Variants in CENPU observed in about 807,000 individuals in gnomAD.
The protein encoded by CENPU is centromere protein U.
A neutral mutation model predicts 56.7 loss-of-function variants in CENPU; 46 were observed. That is an observed-to-expected ratio of 0.81 (90% CI 0.64 to 1.04). The LOEUF (loss-of-function observed/expected upper bound fraction) is 1.04, where lower values mean the gene tolerates loss of function less well. CENPU is among the 50% of genes least tolerant of loss of function. CENPU has a pLI of 0.00. For synonymous variants in CENPU, 166 were observed against 163.0 expected, an observed-to-expected ratio of 1.02 and a Z score of -0.14; for missense variants, 510 against 490.1, an observed-to-expected ratio of 1.04 and a Z score of -0.38.
chr4:184,711,736 T>C (rs28608669), intron 7 of CENPU, among the ~76,000 whole-genome samples: 26,023 of 152,132 alleles, frequency 0.17, 2,446 homozygotes, highest in African/African-American at 0.24. Flanking sequence ...TCTTGTAAAA[T>C]TTAACATATG....
intron 1 of CENPU, among the ~76,000 whole-genome samples, chr4:184,731,253 T>C (rs1761635473): frequency 6.6e-6 from 1 of 152,006 alleles, no homozygotes. Context: ...AAAGGGGAGG[T>C]AGGCTAACGC....
intron 2 of CENPU, among the ~76,000 whole-genome samples, 162 bp from the exon 3 acceptor site, chr4:184,729,197 A>C (rs1761554262): frequency 6.6e-6 from 1 of 152,242 alleles, no homozygotes; most frequent in Non-Finnish European, 1.5e-5. Flanking sequence ...ATTATACAAC[A>C]TAGACATGTA....
intron 4 of CENPU, among the ~76,000 whole-genome samples, chr4:184,718,573 A>G (rs1212548804): frequency 6.6e-6 from 1 of 152,232 alleles, no homozygotes; most frequent in Non-Finnish European, 1.5e-5. Flanking sequence ...GAGAGCTGGC[A>G]TAAGGGACAA....
rs1274757758 is a variant in CENPU at position 184,717,160 on chromosome 4, T to C, written c.357A>G (p.Glu119=). The change falls in exon 5 of 13, where the codon GAA becomes GAG. Residue 119 remains glutamate, a synonymous_variant. Transcript: ENST00000281453. ...CCTTTTTTGCACTAATTTTTACAGATTCGATTTCACTTGCTTCATTTCCAG... is the reference window on the plus strand; with the variant it reads ...CCTTTTTTGCACTAATTTTTACAGACTCGATTTCACTTGCTTCATTTCCAG... ...DTSGNEASEI[E]SVKISAKKPG... 6 of 1,612,466 alleles carry C rather than the reference T, an allele frequency of 3.7e-6. No homozygotes were observed. In the Admixed American group the frequency reaches 8.3e-5, roughly 22 times the overall value.
intron 8 of CENPU, among the ~76,000 whole-genome samples, chr4:184,704,529 TAAGGATGCAGTTCTCAG>T (rs2150206056): frequency 1.3e-5 from 2 of 152,104 alleles, no homozygotes; most frequent in East Asian, 3.9e-4. Flanking sequence ...CAAAACTGCC[TAAGGATGCAGTTCTCAG>T]AACACATCCC....
At chr4:184,728,360 A>C (rs773765103) in intron 3 of CENPU, among the ~76,000 whole-genome samples, 16 of 152,226 alleles carry the variant, frequency 1.1e-4, no homozygotes, top group Non-Finnish European at 1.6e-4. Flanking sequence ...TGACTACTGC[A>C]GTTCTAGATG....
In CENPU at chr4:184,725,003, C is replaced by T. The variant is rs369452482; in HGVS notation, c.274G>A (p.Gly92Arg). ...ADEEEFSKHC[G>R]LSLSSTPPGK... ...GGAGGAGTTGAAGAGAGAGACAGTCCACAATGTTTGGAGAATTCTTCTTCA... is the reference window on the plus strand; with the variant it reads ...GGAGGAGTTGAAGAGAGAGACAGTCTACAATGTTTGGAGAATTCTTCTTCA... Residue 92 changes from glycine (G) to arginine (R), a missense_variant, in exon 4 of 13, where the codon GGA becomes AGA. Coordinates refer to ENST00000281453, the MANE Select transcript of CENPU (RefSeq NM_024629.4). The T allele has an allele frequency of 2.8e-5, 45 of 1,613,134 alleles. No homozygotes were observed. Among genetic ancestry groups the T allele is most frequent in the Admixed American group, 5.0e-5 (3 of 59,908 alleles).
chr4:184,703,709 C>T (rs1003070714), intron 8 of CENPU, among the ~76,000 whole-genome samples: 37 of 152,198 alleles, frequency 2.4e-4, no homozygotes, highest in Non-Finnish European at 4.4e-5. Flanking sequence ...ATCAATTGTA[C>T]ACCAATGTTT....
intron 7 of CENPU, among the ~76,000 whole-genome samples, chr4:184,711,346 T>C (rs1760917894): frequency 6.6e-6 from 1 of 152,174 alleles, no homozygotes; most frequent in South Asian, 2.1e-4. Context: ...TCAATACATG[T>C]ATGTATTGTG....
At chr4:184,709,050 T>C (rs1457793580) in intron 8 of CENPU, among the ~76,000 whole-genome samples, 1 of 152,154 alleles carries the variant, frequency 6.6e-6, no homozygotes, top group Non-Finnish European at 1.5e-5. Flanking sequence ...TATCAACATA[T>C]TGTTCAAGAT....
rs1164815256 is a variant in CENPU, at chr4:184,697,915, C to T, written c.987-112G>A. 14 of 685,452 alleles carry T rather than the reference C, an allele frequency of 2.0e-5. No individual in the cohort carries two copies. In the South Asian group the frequency reaches 2.3e-4, roughly 11 times the overall value. 42.5% of individuals were successfully genotyped at this position (685,452 alleles called of 1,614,324 possible). On this transcript the variant is annotated intron_variant, in intron 11 of 12. Transcript: ENST00000281453. Reference sequence around the variant, plus strand: ...GAACCGGGGCTGGCCAACTAGATGACTTGCTTTGGCTCTGAAACTACGAAT... The same window carrying T: ...GAACCGGGGCTGGCCAACTAGATGATTTGCTTTGGCTCTGAAACTACGAAT...
At chr4:184,725,784 A>ATTAT (rs1400796834) in intron 3 of CENPU, among the ~76,000 whole-genome samples, 1 of 152,216 alleles carries the variant, frequency 6.6e-6, no homozygotes, top group Non-Finnish European at 1.5e-5. Context: ...TAACATAAAA[A>ATTAT]GATACCTTGA....
At chr4:184,712,390 G>C (rs1204331869) in intron 7 of CENPU, among the ~76,000 whole-genome samples, 1 of 152,152 alleles carries the variant, frequency 6.6e-6, no homozygotes, top group African/African-American at 2.4e-5. Flanking sequence ...GGCAGAAAAA[G>C]CATCCCTGAA....
rs769935607 is a variant in CENPU at position 184,734,012 on chromosome 4, T to C, written c.47+4A>G. 6.8e-6 allele frequency: 11 copies of C among 1,607,912 alleles called. No individual in the cohort carries two copies. Among genetic ancestry groups the C allele is most frequent in the Admixed American group, 1.7e-5 (1 of 59,302 alleles). On this transcript the variant is annotated splice_donor_region_variant and intron_variant, in intron 1 of 12. Coordinates refer to ENST00000281453, the MANE Select transcript of CENPU (RefSeq NM_024629.4). ...CCGCGCTCCCGAGGGTCGGCAGTAC[T>C]TACCCCTCAGACCTGTGAGGCCGCG...
At chr4:184,697,029 C>T (rs895816667) in intron 12 of CENPU, among the ~76,000 whole-genome samples, 9 of 151,896 alleles carry the variant, frequency 5.9e-5, no homozygotes, top group Non-Finnish European at 7.4e-5. Context: ...TACAGGCATA[C>T]ACCACCACAC....
intron 9 of CENPU, 46 bp downstream of exon 9, chr4:184,702,317 T>C (rs769880727): frequency 3.2e-6 from 5 of 1,538,630 alleles, no homozygotes; most frequent in Middle Eastern, 1.7e-4. Flanking sequence ...GCTACAGGAT[T>C]AGTGAAAAAA....
intron 4 of CENPU, among the ~76,000 whole-genome samples, chr4:184,722,562 T>G (rs1382654311): frequency 6.6e-6 from 1 of 152,098 alleles, no homozygotes; most frequent in East Asian, 1.9e-4. Context: ...TGTCTTCCTA[T>G]GACTCAAAAT....
At chr4:184,727,304 T>C (rs540111883) in intron 3 of CENPU, among the ~76,000 whole-genome samples, 3 of 152,230 alleles carry the variant, frequency 2.0e-5, no homozygotes, top group Admixed American at 2.0e-4. Flanking sequence ...AGTTGTTTAA[T>C]AGGTGGAGCA....
At chr4:184,732,529 G>C (rs777251093) in intron 1 of CENPU, among the ~76,000 whole-genome samples, 39 of 152,034 alleles carry the variant, frequency 2.6e-4, no homozygotes, top group Non-Finnish European at 5.0e-4. Context: ...ACTTATCAAG[G>C]GTCACATAGC....
Sources: gnomAD v4.1 joint callset for allele counts (sites outside exome capture counted in the v4.1 genomes callset) on GRCh38, gnomAD v4.1.1 for gene constraint, MANE v1.5 for transcripts, NCBI Gene and HGNC (gene_info 2026-07-23, HGNC 2026-07-21) for gene names.